Variants in PCNX2 observed in about 807,000 individuals in gnomAD.
PCNX2 encodes pecanex 2, also known as pecanex-like protein 2.
PCNX2 carries 168 observed loss-of-function variants against 223.8 expected under a neutral mutation model. That is an observed-to-expected ratio of 0.75 (90% confidence interval 0.66 to 0.85). The LOEUF (loss-of-function observed/expected upper bound fraction) is 0.85, where lower values mean the gene tolerates loss of function less well. Among genes scored for constraint, PCNX2 ranks in the 40% least tolerant of loss-of-function variants. The pLI is 0.00. For missense variants in PCNX2, 2,507 were observed against 2,675.5 expected, an observed-to-expected ratio of 0.94 and a Z score of 1.39; for synonymous variants, 1,006 against 1,052.6, an observed-to-expected ratio of 0.96 and a Z score of 0.86.
intron 28 of PCNX2, among the ~76,000 whole-genome samples, chr1:233,007,939 A>G (rs540431912): frequency 6.6e-6 from 1 of 152,068 alleles, no homozygotes. Flanking sequence ...TCAGCCTCCC[A>G]AAGTGCTGAG....
intron 15 of PCNX2, among the ~76,000 whole-genome samples, chr1:233,186,445 A>G (rs2102871033): frequency 6.6e-6 from 1 of 152,166 alleles, no homozygotes; most frequent in Admixed American, 6.5e-5. Flanking sequence ...TACTTCACAC[A>G]CGGCCTGCGG....
rs763383199 is a variant in PCNX2, at chr1:232,984,408, C to T, written c.6310G>A (p.Glu2104Lys). Residue 2104 changes from glutamate (E) to lysine (K), a missense_variant, in exon 34 of 34, where the codon GAG (glutamate) becomes AAG (lysine). By Grantham distance (56) the Glu-to-Lys change is moderately conservative. This residue lies in a region of PCNX2 where 1,372 missense variants were observed against 1,509.4 expected (regional missense o/e 0.91). Coordinates refer to ENST00000258229, the MANE Select transcript of PCNX2 (RefSeq NM_014801.4). ...QGQLHDRCLA[E>K]AVADTLGVVC... ...ACCCCGAGAGTGTCCGCCACAGCCT[C>T]AGCCAGACATCGGTCATGAAGCTGC... 2 of 1,613,790 alleles carry T rather than the reference C, an allele frequency of 1.2e-6. No homozygotes were observed. The highest frequency in any genetic ancestry group is 1.7e-6 in the Non-Finnish European group (2 of 1,179,838).
At chr1:233,178,759 C>T (rs1174161000) in intron 16 of PCNX2, among the ~76,000 whole-genome samples, 1 of 152,172 alleles carries the variant, frequency 6.6e-6, no homozygotes, top group Non-Finnish European at 1.5e-5. Context: ...ACCCAGCTCA[C>T]CCAAGGGAAA....
At chr1:233,106,481 T>C (rs994227383) in intron 21 of PCNX2, among the ~76,000 whole-genome samples, 1 of 151,646 alleles carries the variant, frequency 6.6e-6, no homozygotes, top group African/African-American at 2.4e-5. Context: ...GCCTCTCGAG[T>C]AGCTGTGACT....
chr1:233,283,223 A>G (rs1254607733), intron 1 of PCNX2, among the ~76,000 whole-genome samples: 1 of 152,196 alleles, frequency 6.6e-6, no homozygotes, highest in Non-Finnish European at 1.5e-5. Context: ...GTCCTTTGAT[A>G]TGGATTGGAT....
At chr1:233,011,221 T>C (rs1670458232) in intron 28 of PCNX2, among the ~76,000 whole-genome samples, 1 of 152,240 alleles carries the variant, frequency 6.6e-6, no homozygotes, top group South Asian at 2.1e-4. Flanking sequence ...GTAGAGCTTA[T>C]TTCAGAATTG....
intron 21 of PCNX2, among the ~76,000 whole-genome samples, chr1:233,111,574 T>C (rs1392245244): frequency 6.6e-6 from 1 of 152,054 alleles, no homozygotes. Context: ...TAGCTAATGT[T>C]TGAATTTTTT....
chr1:233,298,507 G>A (rs1662206993), upstream of PCNX2, among the ~76,000 whole-genome samples: 1 of 152,222 alleles, frequency 6.6e-6, no homozygotes, highest in Non-Finnish European at 1.5e-5. Context: ...CCTTAGAGGA[G>A]CCTGGCCATG....
In PCNX2 at chr1:233,090,120, C is replaced by T; in HGVS notation, c.4017G>A (p.Gly1339=). The T allele has an allele frequency of 6.2e-7, 1 of 1,613,838 alleles. No homozygotes were observed. The highest frequency in any genetic ancestry group is 8.5e-7 in the Non-Finnish European group (1 of 1,179,828). ...CATATGATGTGATGAAAATGACACT[C>T]CCAAGAAATGGGCTCAATGGGGTAG... ...IFSTPLSPFL[G]SVIFITSYVR... The change falls in exon 23 of 34, where the codon GGG becomes GGA. Residue 1339 remains glycine (G), a synonymous_variant. Transcript: ENST00000258229.
chr1:233,203,024 G>T (rs190729374), intron 13 of PCNX2, among the ~76,000 whole-genome samples: 79 of 152,258 alleles, frequency 5.2e-4, no homozygotes, highest in African/African-American at 1.8e-3. Context: ...CTATCTGCTG[G>T]AACTAGTTAT....
intron 14 of PCNX2, 26 bp downstream of exon 14, chr1:233,200,128 G>A (rs748605940): frequency 6.7e-7 from 1 of 1,489,930 alleles, no homozygotes; most frequent in Non-Finnish European, 9.2e-7. Flanking sequence ...TTCCTTTACA[G>A]GAAGAATAGA....
intron 25 of PCNX2, among the ~76,000 whole-genome samples, chr1:233,029,439 G>C (rs1671191345): frequency 6.6e-6 from 1 of 152,024 alleles, no homozygotes; most frequent in South Asian, 2.1e-4. Flanking sequence ...AATTCTAAAA[G>C]ATTTTAAAAA....
intron 13 of PCNX2, chr1:233,202,096 C>T (rs934829973): frequency 2.0e-5 from 9 of 441,432 alleles, no homozygotes; most frequent in African/African-American, 1.9e-4. Flanking sequence ...CCATGTGTCT[C>T]ATCTGTCAGG....
At chr1:233,174,046 C>T (rs1256739867) in intron 17 of PCNX2, among the ~76,000 whole-genome samples, 1 of 133,356 alleles carries the variant, frequency 7.5e-6, no homozygotes, top group Non-Finnish European at 1.6e-5. Context: ...ATACATAAAA[C>T]AAATATATAA....
the PCNX2 span, among the ~76,000 whole-genome samples, chr1:233,304,252 GTAT>G: frequency 2.0e-5 from 3 of 152,162 alleles, no homozygotes; most frequent in Non-Finnish European, 2.9e-5. Context: ...GCATGGGGTA[GTAT>G]TATTTTGTGT....
At chr1:233,082,095 G>C (rs895356056) in intron 23 of PCNX2, among the ~76,000 whole-genome samples, 2 of 152,088 alleles carry the variant, frequency 1.3e-5, no homozygotes, top group Admixed American at 1.3e-4. Flanking sequence ...GGTTAATATC[G>C]TGGCTCAGCT....
At chr1:233,194,453 G>A (rs1680602678) in intron 15 of PCNX2, among the ~76,000 whole-genome samples, 2 of 151,982 alleles carry the variant, frequency 1.3e-5, no homozygotes, top group East Asian at 3.9e-4. Flanking sequence ...ACAAAGAAAT[G>A]TACATTGCAG....
At chr1:233,285,268 T>C (rs1342314842) in intron 1 of PCNX2, among the ~76,000 whole-genome samples, 1 of 148,584 alleles carries the variant, frequency 6.7e-6, no homozygotes, top group Non-Finnish European at 1.5e-5. Context: ...GGGAGGATCA[T>C]ATGAGCCCAA....
In PCNX2 at chr1:233,263,147, G is replaced by A. The variant is rs200778407; in HGVS notation, c.170C>T (p.Ala57Val). 831 of 1,606,704 alleles carry A rather than the reference G, an allele frequency of 5.2e-4. 3 individuals carry two copies. The highest frequency in any genetic ancestry group is 2.3e-4 in the South Asian group (21 of 90,012). ...LALHLAFPPN[A>V]IIVFFYCSAV... is the part of the protein sequence containing the mutation. ...ACTGCAGTAGAAAAATACAATGATC[G>A]CATTTGGAGGAAAAGCCTGAAGAAA... The change falls in exon 2 of 34, where the codon GCG becomes GTG. Residue 57 changes from alanine to valine, a missense_variant. Coordinates refer to ENST00000258229, the MANE Select transcript of PCNX2 (RefSeq NM_014801.4).
Sources: gnomAD v4.1 joint callset for allele counts (sites outside exome capture counted in the v4.1 genomes callset) on GRCh38, gnomAD v4.1.1 for gene constraint, gnomAD v4.1.1 regional missense constraint, MANE v1.5 for transcripts, NCBI Gene and HGNC (gene_info 2026-07-23, HGNC 2026-07-21) for gene names.